Variants in SOX5 observed in about 807,000 individuals in gnomAD.
SOX5 encodes SRY-box transcription factor 5.
SOX5 carries 9 observed loss-of-function variants against 92.0 expected under a neutral mutation model. The ratio of observed to expected loss-of-function variants is 0.10; its 90% confidence interval spans 0.06 to 0.17. SOX5 has a LOEUF of 0.17. Among genes scored for constraint, SOX5 ranks in the 10% least tolerant of loss-of-function variants. The pLI is 1.00. For missense variants in SOX5, 642 were observed against 944.5 expected, an observed-to-expected ratio of 0.68 and a Z score of 4.20; for synonymous variants, 344 against 336.3, an observed-to-expected ratio of 1.02 and a Z score of -0.25.
At chr12:23,961,019 AACT>A (rs1946869517) in intron 4 of SOX5, among the ~76,000 whole-genome samples, 1 of 152,134 alleles carries the variant, frequency 6.6e-6, no homozygotes, top group South Asian at 2.1e-4. Context: ...CATCTAATTA[AACT>A]ACAAACTATC....
intron 9 of SOX5, among the ~76,000 whole-genome samples, chr12:23,576,474 C>T (rs1949121891): frequency 6.6e-6 from 1 of 152,184 alleles, no homozygotes; most frequent in South Asian, 2.1e-4. Context: ...ATTTATATGT[C>T]ATACTGTTCT....
intron 9 of SOX5, among the ~76,000 whole-genome samples, chr12:23,600,548 T>TATATATATATATATATATAC (rs2074338175): frequency 7.9e-6 from 1 of 126,230 alleles, no homozygotes; most frequent in African/African-American, 2.9e-5. Flanking sequence ...TATATATATA[T>TATATATATATATATATATAC]ATATACACAT....
chr12:23,829,117 T>TA (rs34363532), intron 3 of SOX5, among the ~76,000 whole-genome samples: 164 of 147,472 alleles, frequency 1.1e-3, no homozygotes, highest in African/African-American at 3.2e-3. Flanking sequence ...AACTCCTATT[T>TA]AAAAAAAAAA....
At chr12:24,209,662 C>T (rs1050334821) in intron 4 of SOX5, among the ~76,000 whole-genome samples, 1 of 152,126 alleles carries the variant, frequency 6.6e-6, no homozygotes, top group Non-Finnish European at 1.5e-5. Context: ...CACTCCCCAC[C>T]TCCCAAATTA....
rs377127993 is a variant in SOX5, at chr12:23,917,453, T to G, written c.39-21429A>C. 2.0e-5 allele frequency among the ~76,000 whole-genome samples: 3 copies of G among 152,228 alleles called. No homozygotes were observed. The East Asian group carries it at 5.8e-4, about 29-fold the overall frequency. ...CTTTAATTCCAGCTACTCTGGTGGCTGAGGCAAGAGAATCGCTTGAGCCGG... is the reference window on the plus strand; with the variant it reads ...CTTTAATTCCAGCTACTCTGGTGGCGGAGGCAAGAGAATCGCTTGAGCCGG... On this transcript the variant is annotated intron_variant, in intron 1 of 14. Coordinates refer to ENST00000451604, the MANE Select transcript of SOX5 (RefSeq NM_006940.6).
intron 7 of SOX5, among the ~76,000 whole-genome samples, chr12:23,641,821 AAC>A (rs1265032746): frequency 4.6e-5 from 7 of 152,324 alleles, no homozygotes; most frequent in African/African-American, 1.7e-4. Context: ...TAATGCATAA[AAC>A]ATTTTGTAGA....
intron 3 of SOX5, among the ~76,000 whole-genome samples, chr12:23,834,802 T>A (rs1018469446): frequency 6.6e-6 from 1 of 151,770 alleles, no homozygotes; most frequent in Non-Finnish European, 1.5e-5. Context: ...TGGAAATCAA[T>A]GAAAAGTGAG....
At chr12:23,803,358 A>C (rs2095699211) in intron 3 of SOX5, among the ~76,000 whole-genome samples, 5 of 152,142 alleles carry the variant, frequency 3.3e-5, no homozygotes. Context: ...CCTTTCTTTC[A>C]CAAGTCATTT....
At chr12:23,887,915 A>ATGTGTGTGTGTG (rs1374110699) in intron 2 of SOX5, among the ~76,000 whole-genome samples, 1 of 79,666 alleles carries the variant, frequency 1.3e-5, no homozygotes, top group African/African-American at 5.2e-5. Context: ...TCCAGTGTGT[A>ATGTGTGTGTGTG]TATGTGTGTG....
At chr12:24,361,738 G>T (rs542012953) in intron 2 of SOX5, among the ~76,000 whole-genome samples, 1 of 152,114 alleles carries the variant, frequency 6.6e-6, no homozygotes, top group African/African-American at 2.4e-5. Context: ...AATTTTAAAC[G>T]ATGGTTAAAA....
chr12:24,355,659 T>C (rs1954745842), intron 2 of SOX5, among the ~76,000 whole-genome samples: 1 of 152,216 alleles, frequency 6.6e-6, no homozygotes, highest in Non-Finnish European at 1.5e-5. Flanking sequence ...TTTTTCCTAA[T>C]TAAATGTTTT....
Position 23,970,841 on chromosome 12 carries a change from A to ATATATATTTTTTTTTTTTTTTTTT in SOX5, c.-1-74818_-1-74817insAAAAAAAAAAAAAAAAAATATATA. ...ACATGGGACTTTATATATATATATA[A>ATATATATTTTTTTTTTTTTTTTTT]TTTTTTTTTTTTTTTAAGAAATGGG... is the stretch of plus-strand genomic sequence containing the variant. On this transcript the variant is annotated intron_variant, in intron 4 of 4. Coordinates refer to the SOX5 transcript ENST00000446891. Among the ~76,000 whole-genome samples the ATATATATTTTTTTTTTTTTTTTTT allele has an allele frequency of 4.1e-4, 9 of 21,884 alleles. 1 individual carries two copies. Among genetic ancestry groups the ATATATATTTTTTTTTTTTTTTTTT allele is most frequent in the Admixed American group, 7.7e-4 (1 of 1,292 alleles). 14.4% of individuals were successfully genotyped at this position (21,884 alleles called of 152,430 possible). A position where few individuals can be genotyped will look rare whatever the true frequency, so the allele number is the denominator to read the frequency against.
intron 2 of SOX5, among the ~76,000 whole-genome samples, chr12:24,338,187 T>C (rs1952128621): frequency 6.6e-6 from 1 of 152,186 alleles, no homozygotes; most frequent in Admixed American, 6.5e-5. Context: ...CCTGCATTTA[T>C]AAAAAATTTA....
intron 7 of SOX5, among the ~76,000 whole-genome samples, chr12:23,655,957 CATA>C (rs2139176005): frequency 6.6e-6 from 1 of 152,144 alleles, no homozygotes; most frequent in Non-Finnish European, 1.5e-5. Flanking sequence ...TTTAATGAAT[CATA>C]ATGATATTTT....
chr12:24,038,166 C>T (rs867330533), intron 4 of SOX5, among the ~76,000 whole-genome samples: 4 of 152,086 alleles, frequency 2.6e-5, no homozygotes, highest in Non-Finnish European at 5.9e-5. Flanking sequence ...ATAAAAGAGT[C>T]CCAAATAAAC....
chr12:23,753,468 G>T (rs973037636), intron 4 of SOX5, among the ~76,000 whole-genome samples: 1 of 151,600 alleles, frequency 6.6e-6, no homozygotes, highest in African/African-American at 2.4e-5. Context: ...TGTGAATACT[G>T]TAAAGGCTGG....
chr12:23,782,538 GAA>G (rs2095302256), intron 3 of SOX5, among the ~76,000 whole-genome samples: 1 of 152,104 alleles, frequency 6.6e-6, no homozygotes, highest in South Asian at 2.1e-4. Flanking sequence ...ATGAACAGAG[GAA>G]AGAGGAAGAA....
At chr12:23,723,450 C>T (rs142935576) in intron 6 of SOX5, among the ~76,000 whole-genome samples, 206 of 151,868 alleles carry the variant, frequency 1.4e-3, no homozygotes, top group African/African-American at 4.7e-3. Context: ...CTATGTCAGA[C>T]AATCCAGCAG....
Position 23,563,223 on chromosome 12 carries a change from G to T in SOX5, c.1488+35C>A, listed in dbSNP as rs1477099893. The T allele has an allele frequency of 5.9e-6, 9 of 1,522,458 alleles. No homozygotes were observed. The African/African-American group carries it at 1.3e-4, about 21-fold the overall frequency. 94.3% of individuals were successfully genotyped at this position (1,522,458 alleles called of 1,614,324 possible). ...AAAAAGCATTAGGCAATTTAATTAAGTATTTCTAGAAAGTAAGTTATTTTA... is the reference window on the plus strand; with the variant it reads ...AAAAAGCATTAGGCAATTTAATTAATTATTTCTAGAAAGTAAGTTATTTTA... On this transcript the variant is annotated intron_variant, in intron 11 of 14. Coordinates refer to ENST00000451604, the MANE Select transcript of SOX5 (RefSeq NM_006940.6).
Sources: allele counts gnomAD v4.1 joint callset (sites outside exome capture counted in the v4.1 genomes callset), GRCh38; gene constraint gnomAD v4.1.1; transcripts MANE v1.5; gene names NCBI Gene and HGNC (gene_info 2026-07-23, HGNC 2026-07-21).